The following ANK3 variants were observed in gnomAD, a reference collection of about 807,000 sequenced individuals.
The protein encoded by ANK3 is ankyrin 3, also known as ankyrin-3.
A neutral mutation model predicts 370.9 loss-of-function variants in ANK3; 57 were observed. That is an observed-to-expected ratio of 0.15 (90% CI 0.12 to 0.19). The LOEUF (loss-of-function observed/expected upper bound fraction) is 0.19, where lower values mean the gene tolerates loss of function less well. ANK3 is among the 10% of genes least tolerant of loss of function. The pLI is 1.00. For synonymous variants in ANK3, 1,929 were observed against 1,946.3 expected (o/e 0.99, Z 0.23); for missense variants, 4,439 against 5,302.1 (o/e 0.84, Z 5.06).
chr10:60,180,369 A>G (rs10761463), intron 18 of ANK3, among the ~76,000 whole-genome samples: 85,541 of 148,632 alleles, frequency 0.58, 23,784 homozygotes, highest in East Asian at 0.67. Flanking sequence ...AGGCCGAGGC[A>G]TGTGGATCAC....
chr10:60,544,861 A>G lies in ANK3; in HGVS notation c.96+70325T>C, dbSNP rs186550848. Reference sequence around the variant, plus strand: ...CTCAACAAATAATATTTTAACACAAATCCATTTAAAATCCCCAAGTAATTC... The same window carrying G: ...CTCAACAAATAATATTTTAACACAAGTCCATTTAAAATCCCCAAGTAATTC... On this transcript the variant is annotated intron_variant, in intron 2 of 43. Transcript: ENST00000373827. 6.8e-4 allele frequency among the ~76,000 whole-genome samples: 103 copies of G among 152,048 alleles called. 1 individual carries two copies. Among genetic ancestry groups the G allele is most frequent in the Admixed American group, 6.8e-3 (103 of 15,252 alleles).
intron 23 of ANK3, among the ~76,000 whole-genome samples, chr10:60,160,835 A>C (rs374673018): frequency 2.6e-5 from 4 of 152,306 alleles, no homozygotes; most frequent in African/African-American, 9.6e-5. Context: ...AAAAGCATTC[A>C]ATAAAATTCA....
At chr10:60,695,497 C>T (rs146255868) in intron 1 of ANK3, among the ~76,000 whole-genome samples, 1,783 of 152,066 alleles carry the variant, frequency 0.012, 33 homozygotes, top group African/African-American at 0.04. Context: ...CCACATACTT[C>T]GAAGTAAAGC....
chr10:60,650,699 G>C (rs1436381455), intron 1 of ANK3, among the ~76,000 whole-genome samples: 1 of 152,184 alleles, frequency 6.6e-6, no homozygotes, highest in Non-Finnish European at 1.5e-5. Flanking sequence ...ACCCCAGGAG[G>C]CTGTTTGCAG....
At chr10:60,642,651 A>G (rs528408398) in intron 1 of ANK3, among the ~76,000 whole-genome samples, 4,135 of 151,498 alleles carry the variant, frequency 0.027, 87 homozygotes, top group South Asian at 0.07. Flanking sequence ...GGGGCGAGGG[A>G]TAGCATTAGG....
intron 10 of ANK3, among the ~76,000 whole-genome samples, chr10:60,207,563 G>T (rs931393535): frequency 2.6e-5 from 4 of 152,136 alleles, no homozygotes; most frequent in Non-Finnish European, 4.4e-5. Context: ...AATTCTGATT[G>T]GCAAACGGAA....
intron 17 of ANK3, among the ~76,000 whole-genome samples, chr10:60,186,155 C>A (rs1448418638): frequency 6.6e-6 from 1 of 152,178 alleles, no homozygotes; most frequent in Non-Finnish European, 1.5e-5. Context: ...CTACAATTTG[C>A]AGCTTCTTCT....
At chr10:60,048,456 C>T (rs1311010941) in intron 42 of ANK3, among the ~76,000 whole-genome samples, 4 of 152,196 alleles carry the variant, frequency 2.6e-5, no homozygotes, top group Non-Finnish European at 5.9e-5. Context: ...GAAGAGAATA[C>T]ACTTGTTCCT....
Position 60,337,839 on chromosome 10 carries a change from A to C in ANK3, c.114+51586T>G, listed in dbSNP as rs2053369324. On this transcript the variant is annotated intron_variant, in intron 1 of 43. Transcript: ENST00000280772. ...ACATCCTGGTGAGTGCTATAGTAGAAAAATATATTATTGGAGTACCATATT... is the reference window on the plus strand; with the variant it reads ...ACATCCTGGTGAGTGCTATAGTAGACAAATATATTATTGGAGTACCATATT... Among the ~76,000 whole-genome samples the C allele has an allele frequency of 2.0e-5, 3 of 152,236 alleles. No individual in the cohort carries two copies. In the South Asian group the frequency reaches 6.2e-4, roughly 31 times the overall value.
At chr10:60,312,056 C>T (rs538149361) in intron 1 of ANK3, among the ~76,000 whole-genome samples, 1 of 152,234 alleles carries the variant, frequency 6.6e-6, no homozygotes, top group South Asian at 2.1e-4. Context: ...TGTGAGCAAG[C>T]AGAATTCAGA....
chr10:60,203,177 A>G, intron 11 of ANK3, 77 bp from the exon 12 acceptor site: 2 of 911,672 alleles, frequency 2.2e-6, no homozygotes, highest in Non-Finnish European at 3.6e-6. Flanking sequence ...CCTGCCTGTC[A>G]TCCATCCACC....
At chr10:60,410,828 G>A (rs2063544207) in intron 2 of ANK3, among the ~76,000 whole-genome samples, 1 of 151,930 alleles carries the variant, frequency 6.6e-6, no homozygotes, top group Non-Finnish European at 1.5e-5. Flanking sequence ...AGAATGCCTG[G>A]CCAATTTTTT....
intron 2 of ANK3, among the ~76,000 whole-genome samples, chr10:60,613,815 T>TG (rs2078232729): frequency 6.6e-6 from 1 of 152,050 alleles, no homozygotes; most frequent in South Asian, 2.1e-4. Context: ...GGCTCACGCC[T>TG]GTAATCCCAG....
upstream of ANK3, among the ~76,000 whole-genome samples, chr10:60,390,045 G>A (rs1455623417): frequency 6.6e-6 from 1 of 152,076 alleles, no homozygotes; most frequent in Non-Finnish European, 1.5e-5. Context: ...AGATCTACAC[G>A]GAGAATAATT....
chr10:60,391,543 T>A (rs1376565924), upstream of ANK3, among the ~76,000 whole-genome samples: 1 of 152,206 alleles, frequency 6.6e-6, no homozygotes, highest in East Asian at 1.9e-4. Flanking sequence ...TTGAAAAACG[T>A]TCATACAATT....
chr10:60,367,095 C>T (rs565565556), intron 1 of ANK3, among the ~76,000 whole-genome samples: 129 of 152,254 alleles, frequency 8.5e-4, no homozygotes, highest in African/African-American at 3.0e-3. Flanking sequence ...TTAACAGAGG[C>T]AGAAATACCA....
chr10:60,279,110 G>C lies in ANK3; in HGVS notation c.255C>G (p.Gly85=), dbSNP rs767505730. The C allele has an allele frequency of 6.2e-7, 1 of 1,613,806 alleles. No individual in the cohort carries two copies. The highest frequency in any genetic ancestry group is 8.5e-7 in the Non-Finnish European group (1 of 1,179,896). ...LNALHLASKE[G]HVEVVSELLQ... ...GCAGCTCAGAAACAACCTCTACATG[G>C]CCTTCTTTGGAAGCAAGGTGGAGAG... Residue 85 remains glycine (G), a synonymous_variant, in exon 3 of 44, where the codon GGC becomes GGG. Transcript: ENST00000280772.
chr10:60,276,469 C>T (rs982871435), intron 4 of ANK3, among the ~76,000 whole-genome samples: 2 of 152,148 alleles, frequency 1.3e-5, no homozygotes, highest in Admixed American at 1.3e-4. Flanking sequence ...ATCCACAGAA[C>T]AATGCAGTTC....
chr10:60,407,332 G>C (rs2063475050), intron 2 of ANK3, among the ~76,000 whole-genome samples: 1 of 152,180 alleles, frequency 6.6e-6, no homozygotes, highest in Admixed American at 6.5e-5. Context: ...GAAGGAAATG[G>C]AGGCAGGAAA....
Sources: allele counts gnomAD v4.1 joint callset (sites outside exome capture counted in the v4.1 genomes callset), GRCh38; gene constraint gnomAD v4.1.1; transcripts MANE v1.5; gene names NCBI Gene and HGNC (gene_info 2026-07-23, HGNC 2026-07-21).